Variants in SGCD observed in about 807,000 individuals in gnomAD.
The protein encoded by SGCD is delta-sarcoglycan.
In SGCD, 18 loss-of-function variants were observed where a neutral mutation model predicts 36.6. The ratio of observed to expected loss-of-function variants is 0.49; its 90% CI spans 0.34 to 0.73. The LOEUF (loss-of-function observed/expected upper bound fraction) is 0.73. Ranked by LOEUF, SGCD falls within the 30% of genes least tolerant of loss-of-function variation. The pLI, the probability that SGCD is intolerant of heterozygous loss-of-function variation, is 0.01. For synonymous variants in SGCD, 133 were observed against 130.6 expected (o/e 1.02, Z -0.12); for missense variants, 387 against 346.7 (o/e 1.12, Z -0.92).
At chr5:156,199,584 G>A (rs1764095128) in intron 3 of SGCD, among the ~76,000 whole-genome samples, 1 of 152,138 alleles carries the variant, frequency 6.6e-6, no homozygotes, top group Admixed American at 6.6e-5. Flanking sequence ...CCTACTCCAA[G>A]TCAGACTTCC....
intron 3 of SGCD, among the ~76,000 whole-genome samples, chr5:156,461,976 G>T (rs1754507634): frequency 6.6e-6 from 1 of 152,174 alleles, no homozygotes; most frequent in Non-Finnish European, 1.5e-5. Context: ...AGAGATTTAG[G>T]CCAGAGGAAG....
upstream of SGCD, among the ~76,000 whole-genome samples, chr5:156,322,437 A>G (rs1274703258): frequency 6.6e-6 from 1 of 152,198 alleles, no homozygotes; most frequent in Admixed American, 6.5e-5. Context: ...TGGGGAAAGC[A>G]GGCTGGGTCT....
chr5:156,607,495 G>T (rs1427340150), intron 6 of SGCD, among the ~76,000 whole-genome samples: 1 of 152,318 alleles, frequency 6.6e-6, no homozygotes, highest in South Asian at 2.1e-4. Context: ...AGGGATATTG[G>T]TCTAAAATTC....
chr5:156,308,459 T>A (rs1767297253), intron 3 of SGCD, among the ~76,000 whole-genome samples: 1 of 152,126 alleles, frequency 6.6e-6, no homozygotes, highest in Admixed American at 6.5e-5. Context: ...CCACTACGCC[T>A]GGCTAATTTT....
At chr5:156,299,649 C>T (rs1417517430) in intron 3 of SGCD, among the ~76,000 whole-genome samples, 1 of 151,958 alleles carries the variant, frequency 6.6e-6, no homozygotes, top group Non-Finnish European at 1.5e-5. Context: ...AGAGATCTTT[C>T]ACTTTTTTGG....
At chr5:156,285,835 A>C (rs1472997860) in intron 3 of SGCD, among the ~76,000 whole-genome samples, 1 of 152,152 alleles carries the variant, frequency 6.6e-6, no homozygotes, top group African/African-American at 2.4e-5. Context: ...GGATCTAATT[A>C]AACTAAAGAG....
intron 1 of SGCD, among the ~76,000 whole-genome samples, chr5:156,003,489 G>A (rs974470794): frequency 1.3e-5 from 2 of 152,212 alleles, no homozygotes; most frequent in Non-Finnish European, 2.9e-5. Flanking sequence ...GGAGCTGTCT[G>A]ACCTGGGCTG....
intron 4 of SGCD, 68 bp downstream of exon 4, chr5:156,508,770 T>A: frequency 1.1e-6 from 1 of 913,796 alleles, no homozygotes; most frequent in Non-Finnish European, 1.7e-6. Flanking sequence ...GAATTGATCT[T>A]GCTATCAGCT....
At chr5:156,485,057 T>C (rs1755596757) in intron 3 of SGCD, among the ~76,000 whole-genome samples, 1 of 152,162 alleles carries the variant, frequency 6.6e-6, no homozygotes, top group Non-Finnish European at 1.5e-5. Flanking sequence ...GTGTAAGAAG[T>C]TGTTACTGCA....
chr5:155,968,251 T>G (rs934187104), intron 1 of SGCD, among the ~76,000 whole-genome samples: 1 of 152,148 alleles, frequency 6.6e-6, no homozygotes, highest in Non-Finnish European at 1.5e-5. Context: ...GAGACATTTC[T>G]CTTGAAATGA....
At chr5:156,211,146 A>T (rs1581170304) in intron 3 of SGCD, among the ~76,000 whole-genome samples, 1 of 152,180 alleles carries the variant, frequency 6.6e-6, no homozygotes, top group Non-Finnish European at 1.5e-5. Flanking sequence ...ACGTTGGATG[A>T]TATATTCAAA....
At chr5:155,895,485 C>A (rs745451725) in intron 1 of SGCD, among the ~76,000 whole-genome samples, 2 of 152,066 alleles carry the variant, frequency 1.3e-5, no homozygotes, top group Non-Finnish European at 2.9e-5. Context: ...TTGAGCTTGG[C>A]GATCCACAGC....
chr5:156,369,061 G>T (rs1217938207), intron 3 of SGCD, among the ~76,000 whole-genome samples: 1 of 152,176 alleles, frequency 6.6e-6, no homozygotes. Context: ...ATTCTCTGCA[G>T]CTCTGAGATC....
the SGCD span, among the ~76,000 whole-genome samples, chr5:155,799,652 T>A: frequency 1.3e-5 from 2 of 151,612 alleles, no homozygotes; most frequent in East Asian, 3.9e-4. Flanking sequence ...CGCCTCGGCC[T>A]CCAAAGTGAT....
intron 1 of SGCD, among the ~76,000 whole-genome samples, chr5:156,018,835 A>G (rs1185123756): frequency 6.6e-6 from 1 of 152,186 alleles, no homozygotes; most frequent in African/African-American, 2.4e-5. Flanking sequence ...ATTGAGGGCA[A>G]TTTCTCAAAT....
chr5:156,487,811 A>AG (rs1561728620), intron 3 of SGCD, among the ~76,000 whole-genome samples: 16 of 126,594 alleles, frequency 1.3e-4, no homozygotes, highest in African/African-American at 4.2e-4. Context: ...AAAAAAAAAA[A>AG]AAAAAGAAAG....
At chr5:156,604,873 T>TTA (rs1312789512) in intron 6 of SGCD, among the ~76,000 whole-genome samples, 1 of 147,638 alleles carries the variant, frequency 6.8e-6, no homozygotes, top group East Asian at 2.0e-4. Flanking sequence ...AATATATACT[T>TTA]TATATATATA....
At chr5:156,699,040 T>C (rs1754430224) in intron 7 of SGCD, among the ~76,000 whole-genome samples, 1 of 152,158 alleles carries the variant, frequency 6.6e-6, no homozygotes, top group African/African-American at 2.4e-5. Context: ...ACTGTTAAAG[T>C]CATCCCAGTA....
intron 3 of SGCD, among the ~76,000 whole-genome samples, chr5:156,259,760 C>G (rs892344975): frequency 6.6e-6 from 1 of 151,902 alleles, no homozygotes; most frequent in Admixed American, 6.6e-5. Flanking sequence ...TAGATAAGGT[C>G]GTCAGGGTGG....
Sources: allele counts gnomAD v4.1 joint callset (sites outside exome capture counted in the v4.1 genomes callset), GRCh38; gene constraint gnomAD v4.1.1; transcripts MANE v1.5; gene names NCBI Gene and HGNC (gene_info 2026-07-23, HGNC 2026-07-21).